Variants in FER1L5 observed in about 807,000 individuals in gnomAD.
FER1L5 encodes the protein fer-1-like protein 5.
A neutral mutation model predicts 279.9 loss-of-function variants in FER1L5; 187 were observed. The observed-to-expected ratio is 0.67, with a 90% CI of 0.59 to 0.75. The LOEUF (loss-of-function observed/expected upper bound fraction) is 0.75. Ranked by LOEUF, FER1L5 falls within the 30% of genes least tolerant of loss-of-function variation. The probability of loss-of-function intolerance (pLI) is 0.00; values close to 1 mark genes in which losing one functional copy is unlikely to be tolerated. For synonymous variants in FER1L5, 921 were observed against 989.7 expected, an observed-to-expected ratio of 0.93 and a Z score of 1.30; for missense variants, 2,091 against 2,594.4, an observed-to-expected ratio of 0.81 and a Z score of 4.21.
Position 96,686,498 on chromosome 2 carries a change from G to C in FER1L5, c.2229+148G>C, listed in dbSNP as rs2076930981. 5.3e-6 allele frequency: 5 copies of C among 943,168 alleles called. No homozygotes were observed. The African/African-American group carries it at 8.3e-5, about 16-fold the overall frequency. The allele number at this position is 943,168 out of a possible 1,614,324, so 58.4% of individuals were successfully genotyped here. A position where few individuals can be genotyped will look rare whatever the true frequency, so the allele number is the denominator to read the frequency against. On this transcript the variant is annotated intron_variant, in intron 23 of 52. Coordinates refer to ENST00000624922, the MANE Select transcript of FER1L5 (RefSeq NM_001293083.2). ...GGTTGAAACAGTCCCCAGAGGAAGA[G>C]AGGGGTCTGTGGCTGTCAGCATGTT...
At chr2:96,687,586 T>C in intron 23 of FER1L5, 1 of 577,604 alleles carries the variant, frequency 1.7e-6, no homozygotes. Context: ...ACTCCCTCTG[T>C]GAGGCACTCC....
rs546568438 is a variant in FER1L5 at position 96,661,559 on chromosome 2, G to A, written c.895-109G>A. On this transcript the variant is annotated intron_variant, in intron 11 of 52. Coordinates refer to ENST00000624922, the MANE Select transcript of FER1L5 (RefSeq NM_001293083.2). ...CCTTTGTCCGCTGCGTCACTGCAGGGTTGTCCCATCCCCCCTGCACCAAGT... is the reference window on the plus strand; with the variant it reads ...CCTTTGTCCGCTGCGTCACTGCAGGATTGTCCCATCCCCCCTGCACCAAGT... 9.2e-6 allele frequency: 14 copies of A among 1,521,262 alleles called. No homozygotes were observed. In the Admixed American group the frequency reaches 2.2e-4, roughly 24 times the overall value. The allele number at this position is 1,521,262 out of a possible 1,614,324, so 94.2% of individuals were successfully genotyped here.
Position 96,704,646 on chromosome 2 carries a change from A to G in FER1L5, c.6128A>G (p.Asn2043Ser). 6.2e-7 allele frequency: 1 copy of G among 1,613,918 alleles called. No individual in the cohort carries two copies. The highest frequency in any genetic ancestry group is 1.1e-5 in the South Asian group (1 of 91,076). ...HEWKLHPGPT[N>S]HLSDIFPELP... ...TGGAAACTCCACCCAGGACCCACAA[A>G]TCACCTGAGTGATATTTTCCCAGAA... Residue 2043 changes from asparagine to serine, a missense_variant, in exon 53 of 53, where the codon AAT becomes AGT. By Grantham distance (46) the Asn-to-Ser change is conservative (BLOSUM62 1). Coordinates refer to ENST00000624922, the MANE Select transcript of FER1L5 (RefSeq NM_001293083.2).
At position 96,700,013 on chromosome 2, in the gene FER1L5, G is replaced by A. The variant is rs372167177; in HGVS notation, c.4863G>A (p.Pro1621=). 5.1e-5 allele frequency: 82 copies of A among 1,613,848 alleles called. No homozygotes were observed. The highest frequency in any genetic ancestry group is 3.1e-4 in the South Asian group (28 of 91,088). ...ERYAKRKGLP[P]PLFSPEEDAV... is the part of the protein sequence containing the mutation. Reference sequence around the variant, plus strand: ...ATGCCAAGCGGAAAGGGCTACCTCCGCCTCTGTTCAGTCCTGAGGAAGATG... The same window carrying A: ...ATGCCAAGCGGAAAGGGCTACCTCCACCTCTGTTCAGTCCTGAGGAAGATG... The change falls in exon 44 of 53, where the codon CCG becomes CCA. Residue 1621 remains proline, a synonymous_variant. Transcript: ENST00000624922.
intron 36 of FER1L5, 58 bp downstream of exon 36, chr2:96,695,962 T>C: frequency 1.2e-6 from 2 of 1,606,178 alleles, no homozygotes; most frequent in Non-Finnish European, 1.7e-6. Context: ...GCACTGGGAG[T>C]GGGGCAGGCC....
intron 14 of FER1L5, among the ~76,000 whole-genome samples, chr2:96,664,118 A>T (rs2076046348): frequency 6.6e-6 from 1 of 151,776 alleles, no homozygotes; most frequent in African/African-American, 2.4e-5. Context: ...GTCTCAGGAA[A>T]ATATAAAAGA....
At chr2:96,659,416 T>C (rs1253769039) in intron 9 of FER1L5, among the ~76,000 whole-genome samples, 189 of 6,838 alleles carry the variant, frequency 0.028, no homozygotes, top group Non-Finnish European at 0.036. Flanking sequence ...TTTCTTTCTT[T>C]CTTTCTTTCT....
At position 96,659,346 on chromosome 2, in the gene FER1L5, C is replaced by CTTCCTTCCTTCCTTCT; in HGVS notation, c.748-980_748-979insTTTCCTTCCTTCCTTC. Among the ~76,000 whole-genome samples, 3 of 78,374 alleles carry CTTCCTTCCTTCCTTCT rather than the reference C, an allele frequency of 3.8e-5. 1 individual carries two copies. Among genetic ancestry groups the CTTCCTTCCTTCCTTCT allele is most frequent in the East Asian group, 9.2e-4 (2 of 2,180 alleles). 51.4% of individuals were successfully genotyped at this position (78,374 alleles called of 152,430 possible). A position where few individuals can be genotyped will look rare whatever the true frequency, so the allele number is the denominator to read the frequency against. ...CCTTCCTTCCTTCCTTCCTTCCTTC[C>CTTCCTTCCTTCCTTCT]TTCCTTCCTTCCTTCCTTCTTTCTT... On this transcript the variant is annotated intron_variant, in intron 9 of 52. Transcript: ENST00000624922.
At chr2:96,687,105 TG>T (rs1329438279) in intron 23 of FER1L5, among the ~76,000 whole-genome samples, 1 of 151,948 alleles carries the variant, frequency 6.6e-6, no homozygotes, top group East Asian at 1.9e-4. Flanking sequence ...TAATCCTCCC[TG>T]GGGGGACGTG....
intron 27 of FER1L5, 79 bp downstream of exon 27, chr2:96,690,668 C>A: frequency 1.5e-6 from 2 of 1,310,208 alleles, no homozygotes; most frequent in Non-Finnish European, 1.1e-6. Flanking sequence ...GGGATCAGAG[C>A]AGCCAAGCCC....
intron 13 of FER1L5, 59 bp from the exon 14 acceptor site, chr2:96,663,380 G>A: frequency 6.8e-7 from 1 of 1,474,044 alleles, no homozygotes; most frequent in Non-Finnish European, 9.3e-7. Context: ...GCTGGAAGGT[G>A]AGGTCAGTGG....
rs1558860123 is a variant in FER1L5 at position 96,661,804 on chromosome 2, G to A, written c.1018+13G>A. 1.3e-6 allele frequency: 2 copies of A among 1,551,580 alleles called. No individual in the cohort carries two copies. Among genetic ancestry groups the A allele is most frequent in the Non-Finnish European group, 1.7e-6 (2 of 1,146,980 alleles). On this transcript the variant is annotated intron_variant, in intron 12 of 52. Coordinates refer to ENST00000624922, the MANE Select transcript of FER1L5 (RefSeq NM_001293083.2). ...GACCTTCACCTCAGTTAGAGTCTGG[G>A]TGCAGGGGAGGGAGCAGCCCTGAGA...
At chr2:96,657,806 G>GTAA (rs1288987033) in intron 9 of FER1L5, among the ~76,000 whole-genome samples, 1 of 152,126 alleles carries the variant, frequency 6.6e-6, no homozygotes, top group Admixed American at 6.5e-5. Flanking sequence ...TTATTGCTGA[G>GTAA]TAATAGTCCA....
At position 96,695,750 on chromosome 2, in the gene FER1L5, G is replaced by A. The variant is rs746123156; in HGVS notation, c.3903G>A (p.Pro1301=). 1.4e-5 allele frequency: 22 copies of A among 1,612,214 alleles called. No homozygotes were observed. Among genetic ancestry groups the A allele is most frequent in the South Asian group, 5.5e-5 (5 of 90,642 alleles). ...ESVLVLTVLM[P]TEEAYALPLV... ...TCTCCTCGGGATTGCAGCTCATGCC[G>A]ACGGAGGAGGCCTATGCACTGCCCC... Residue 1301 remains proline, a synonymous_variant, in exon 36 of 53, where the codon CCG becomes CCA. Coordinates refer to ENST00000624922, the MANE Select transcript of FER1L5 (RefSeq NM_001293083.2).
chr2:96,663,340 TG>T, intron 13 of FER1L5, 98 bp from the exon 14 acceptor site: 1 of 1,095,206 alleles, frequency 9.1e-7, no homozygotes, highest in Non-Finnish European at 1.4e-6. Context: ...CTCTGTGCTG[TG>T]GTGTCCACTG....
chr2:96,703,607 C>CAGT lies in FER1L5; in HGVS notation c.5778_5780dup (p.Gln1926_Tyr1927insTer). 6.2e-7 allele frequency: 1 copy of CAGT among 1,613,910 alleles called. No homozygotes were observed. The highest frequency in any genetic ancestry group is 1.1e-5 in the South Asian group (1 of 91,088). ...CGGGCGAGGCCAGTCGGAACCCAAC[C>CAGT]AGTACCCCACACTTCATCCTCCCCT... On this transcript the variant is annotated stop_gained and inframe_insertion, in exon 51 of 53. Coordinates refer to ENST00000624922, the MANE Select transcript of FER1L5 (RefSeq NM_001293083.2). LOFTEE classifies it high-confidence loss of function.
chr2:96,659,338 C>CTTCT (rs2075760766), intron 9 of FER1L5, among the ~76,000 whole-genome samples: 1 of 81,260 alleles, frequency 1.2e-5, no homozygotes, highest in African/African-American at 5.0e-5. Context: ...TCCTTCCTTC[C>CTTCT]TTCCTTCCTT....
In FER1L5 at chr2:96,689,386, G is replaced by C. The variant is rs755373981; in HGVS notation, c.2525+10G>C. The C allele has an allele frequency of 9.6e-5, 148 of 1,548,758 alleles. No individual in the cohort carries two copies. The African/African-American group carries it at 1.9e-3, about 20-fold the overall frequency. ...TGGAACCTCAGAGAAGGTAAGGCCA[G>C]AGGGGGCAGGCCCCACCAGAGGGGA... On this transcript the variant is annotated intron_variant, in intron 25 of 52. Transcript: ENST00000624922. The surrounding 1 kb of genome is among the most constrained non-coding windows in gnomAD (Gnocchi z 4.6).
Position 96,694,399 on chromosome 2 carries a change from T to C in FER1L5, c.3676T>C (p.Trp1226Arg), listed in dbSNP as rs1386939706. The C allele has an allele frequency of 3.9e-6, 6 of 1,550,548 alleles. No individual in the cohort carries two copies. In the East Asian group the frequency reaches 1.2e-4, roughly 32 times the overall value. The change falls in exon 34 of 53, where the codon TGG becomes CGG. Residue 1226 changes from tryptophan (W) to arginine (R), a missense_variant. Transcript: ENST00000624922. This position sits in a 1 kb window ranked among gnomAD's most constrained non-coding sequence, Gnocchi z 4.6. ...GCAGCTGCCTATCTTAAGCGTTCCC[T>C]GGAAGAATGGGGCATACACACTCCC... is the stretch of plus-strand genomic sequence containing the variant. ...EKQLPILSVP[W>R]KNGAYTLPKS...
Sources: allele counts gnomAD v4.1 joint callset (sites outside exome capture counted in the v4.1 genomes callset), GRCh38; gene constraint gnomAD v4.1.1; non-coding constraint Gnocchi (gnomAD v3.1); transcripts MANE v1.5; gene names NCBI Gene and HGNC (gene_info 2026-07-23, HGNC 2026-07-21).